The following ZDHHC18 variants were observed in gnomAD, a reference collection of about 807,000 sequenced individuals.
ZDHHC18 encodes zDHHC palmitoyltransferase 18.
ZDHHC18 carries 23 observed loss-of-function variants against 37.5 expected under a neutral mutation model. The ratio of observed to expected loss-of-function variants is 0.61; its 90% CI spans 0.44 to 0.87. The LOEUF (loss-of-function observed/expected upper bound fraction) is 0.87. ZDHHC18 is among the 40% of genes least tolerant of loss of function. The pLI, the probability that ZDHHC18 is intolerant of heterozygous loss-of-function variation, is 0.00. For missense variants in ZDHHC18, 406 were observed against 525.6 expected (o/e 0.77, Z 2.22); for synonymous variants, 185 against 218.7 (o/e 0.85, Z 1.36).
chr1:26,840,676 A>G (rs1034092358), intron 2 of ZDHHC18, among the ~76,000 whole-genome samples: 8 of 152,106 alleles, frequency 5.3e-5, no homozygotes, highest in African/African-American at 1.9e-4. Flanking sequence ...TCCTGACCTC[A>G]GGTGATCCGC....
At chr1:26,827,519 C>A (rs1406747998) in intron 1 of ZDHHC18, among the ~76,000 whole-genome samples, 3 of 152,062 alleles carry the variant, frequency 2.0e-5, no homozygotes, top group Non-Finnish European at 4.4e-5. Context: ...CTTGAACAGG[C>A]CCCTCCTGCT....
At chr1:26,853,581 C>T in intron 7 of ZDHHC18, 145 bp from the exon 8 acceptor site, 3 of 782,646 alleles carry the variant, frequency 3.8e-6, no homozygotes, top group Non-Finnish European at 6.3e-6. Context: ...GAGTCTTGGG[C>T]CCCCAGATGG....
Position 26,853,823 on chromosome 1 carries a change from A to G in ZDHHC18, c.1147A>G (p.Met383Val). The change falls in exon 8 of 8, where the codon ATG becomes GTG. Residue 383 changes from methionine to valine, a missense_variant. Coordinates refer to ENST00000374142, the MANE Select transcript of ZDHHC18 (RefSeq NM_032283.3). ...PACRAKPDAS[M>V]VGGHP ...CTGCAGAGCCAAGCCTGATGCCAGC[A>G]TGGTAGGAGGCCACCCCTGACCACG... 3 of 1,613,834 alleles carry G rather than the reference A, an allele frequency of 1.9e-6. No homozygotes were observed. Among genetic ancestry groups the G allele is most frequent in the South Asian group, 1.1e-5 (1 of 91,078 alleles).
At chr1:26,840,093 C>T (rs1281281552) in intron 2 of ZDHHC18, among the ~76,000 whole-genome samples, 3 of 152,204 alleles carry the variant, frequency 2.0e-5, no homozygotes, top group Non-Finnish European at 4.4e-5. Context: ...AGAAGCCTGG[C>T]TGCTGGAGAC....
intron 2 of ZDHHC18, among the ~76,000 whole-genome samples, chr1:26,847,660 C>A (rs2081677576): frequency 6.6e-6 from 1 of 151,980 alleles, no homozygotes; most frequent in Admixed American, 6.6e-5. Flanking sequence ...TTAGAATCAT[C>A]TCCTCTCTGC....
chr1:26,826,733 C>T lies in ZDHHC18; in HGVS notation c.-72C>T, dbSNP rs928578857. 10 of 786,708 alleles carry T rather than the reference C, an allele frequency of 1.3e-5. No homozygotes were observed. Among genetic ancestry groups the T allele is most frequent in the African/African-American group, 5.7e-5 (3 of 52,908 alleles). 48.7% of individuals were successfully genotyped at this position (786,708 alleles called of 1,614,324 possible). A position where few individuals can be genotyped will look rare whatever the true frequency, so the allele number is the denominator to read the frequency against. On this transcript the variant is annotated 5_prime_UTR_variant, in exon 1 of 8. Coordinates refer to ENST00000374142, the MANE Select transcript of ZDHHC18 (RefSeq NM_032283.3). The surrounding 1 kb of genome is among the most constrained non-coding windows in gnomAD (Gnocchi z 5.2). ...CCGCGCGCGCCGCCGCTGCCACCTC[C>T]GCTGCTCGGCCCGGTCCCGGAGTGG...
chr1:26,854,066 C>T lies in ZDHHC18; in HGVS notation c.*223C>T. 1 of 570,028 alleles carries T rather than the reference C, an allele frequency of 1.8e-6. No individual in the cohort carries two copies. 35.3% of individuals were successfully genotyped at this position (570,028 alleles called of 1,614,324 possible). On this transcript the variant is annotated 3_prime_UTR_variant, in exon 8 of 8. Coordinates refer to ENST00000374142, the MANE Select transcript of ZDHHC18 (RefSeq NM_032283.3). The surrounding 1 kb of genome is among the most constrained non-coding windows in gnomAD (Gnocchi z 4.6). ...TTGGGCCCTAGGTACCCCAGCTGAT[C>T]AGTGCCAGGAGAGACCAGAGCCTCT...
intron 2 of ZDHHC18, among the ~76,000 whole-genome samples, chr1:26,834,225 C>G (rs1368708847): frequency 4.6e-5 from 7 of 152,218 alleles, no homozygotes; most frequent in African/African-American, 1.7e-4. Context: ...CTGCGTGGAT[C>G]ACAGTGACAG....
At chr1:26,840,582 C>T (rs1205462662) in intron 2 of ZDHHC18, among the ~76,000 whole-genome samples, 1 of 151,560 alleles carries the variant, frequency 6.6e-6, no homozygotes, top group Non-Finnish European at 1.5e-5. Context: ...GCTGGGATTA[C>T]AGGCATGCGC....
At chr1:26,845,084 C>T (rs1267531902) in intron 2 of ZDHHC18, among the ~76,000 whole-genome samples, 1 of 151,832 alleles carries the variant, frequency 6.6e-6, no homozygotes. Flanking sequence ...GCCACCATGC[C>T]CGGCTAATTT....
Position 26,845,846 on chromosome 1 carries a change from C to T in ZDHHC18, c.497-2762C>T, listed in dbSNP as rs369514420. 1.2e-4 allele frequency among the ~76,000 whole-genome samples: 19 copies of T among 152,126 alleles called. No individual in the cohort carries two copies. The East Asian group carries it at 3.5e-3, about 28-fold the overall frequency. ...GCACAATCATGGCTCACTGCAGCCC[C>T]AAACTCCTGAGCTCAGGCAATCCTC... On this transcript the variant is annotated intron_variant, in intron 2 of 7. Transcript: ENST00000374142.
In ZDHHC18 at chr1:26,826,750, C is replaced by G. The variant is rs1477930061; in HGVS notation, c.-55C>G. On this transcript the variant is annotated 5_prime_UTR_variant, in exon 1 of 8. Transcript: ENST00000374142. The surrounding 1 kb of genome is among the most constrained non-coding windows in gnomAD (Gnocchi z 5.2). ...GCCACCTCCGCTGCTCGGCCCGGTC[C>G]CGGAGTGGCCCGGCCGGCCCGCGGG... is the stretch of plus-strand genomic sequence containing the variant. 1.1e-6 allele frequency: 1 copy of G among 898,368 alleles called. No individual in the cohort carries two copies. The highest frequency in any genetic ancestry group is 1.3e-6 in the Non-Finnish European group (1 of 752,742). 55.6% of individuals were successfully genotyped at this position (898,368 alleles called of 1,614,324 possible).
intron 2 of ZDHHC18, among the ~76,000 whole-genome samples, chr1:26,843,709 G>C (rs1479606350): frequency 6.6e-6 from 1 of 151,612 alleles, no homozygotes; most frequent in African/African-American, 2.4e-5. Context: ...AGAATTGCTT[G>C]AACCTGGGAG....
rs761199241 is a variant in ZDHHC18, at chr1:26,852,883, G to A, written c.1049+18G>A. ...CCTCCCAGGTAAGTGAGCGGGGTGC[G>A]GAAGAGGGGTAACAGGGCCATGCCT... On this transcript the variant is annotated intron_variant, in intron 7 of 7. Transcript: ENST00000374142. 2.7e-5 allele frequency: 44 copies of A among 1,610,672 alleles called. No homozygotes were observed. The highest frequency in any genetic ancestry group is 7.7e-5 in the South Asian group (7 of 90,990).
intron 2 of ZDHHC18, among the ~76,000 whole-genome samples, chr1:26,834,850 G>C (rs1354696141): frequency 6.6e-6 from 1 of 152,218 alleles, no homozygotes; most frequent in Non-Finnish European, 1.5e-5. Flanking sequence ...ACCCCTGACA[G>C]CAGAGTGAAG....
chr1:26,848,950 G>GTTT (rs2081687637), intron 3 of ZDHHC18, among the ~76,000 whole-genome samples, 193 bp downstream of exon 3: 1 of 152,188 alleles, frequency 6.6e-6, no homozygotes, highest in East Asian at 1.9e-4. Context: ...AACCAGGAGT[G>GTTT]TTTTGGCTTC....
intron 3 of ZDHHC18, among the ~76,000 whole-genome samples, chr1:26,849,653 C>T (rs572528318): frequency 2.0e-5 from 3 of 152,228 alleles, no homozygotes; most frequent in African/African-American, 4.8e-5. Flanking sequence ...CCTCCACCCC[C>T]GGGGACAGTG....
Position 26,850,560 on chromosome 1 carries a change from G to T in ZDHHC18, c.787G>T (p.Ala263Ser). 6.2e-7 allele frequency: 1 copy of T among 1,614,132 alleles called. No individual in the cohort carries two copies. The highest frequency in any genetic ancestry group is 8.5e-7 in the Non-Finnish European group (1 of 1,180,032). ...CTCTCCTGTTTCTTTCTCCCCAGGCGCTCAGGGAAGCAACTTCCTCTCCAC... is the reference window on the plus strand; with the variant it reads ...CTCTCCTGTTTCTTTCTCCCCAGGCTCTCAGGGAAGCAACTTCCTCTCCAC... ...ACVVTHLTLR[A>S]QGSNFLSTLK... Residue 263 changes from alanine (A) to serine (S), a missense_variant and splice_region_variant, in exon 5 of 8, where the codon GCT becomes TCT. Coordinates refer to ENST00000374142, the MANE Select transcript of ZDHHC18 (RefSeq NM_032283.3). The surrounding 1 kb of genome is among the most constrained non-coding windows in gnomAD (Gnocchi z 6.1).
intron 7 of ZDHHC18, 145 bp downstream of exon 7, chr1:26,853,010 TTC>T: frequency 1.6e-6 from 1 of 643,752 alleles, no homozygotes; most frequent in Non-Finnish European, 2.6e-6. Flanking sequence ...TGTGACGGAA[TTC>T]CATGGAGAAT....
Sources: allele counts gnomAD v4.1 joint callset (sites outside exome capture counted in the v4.1 genomes callset), GRCh38; gene constraint gnomAD v4.1.1; non-coding constraint Gnocchi (gnomAD v3.1); transcripts MANE v1.5; gene names NCBI Gene and HGNC (gene_info 2026-07-23, HGNC 2026-07-21).